The following MFAP1 variants were observed in gnomAD, a reference collection of about 807,000 sequenced individuals.
The protein encoded by MFAP1 is microfibrillar-associated protein 1.
In MFAP1, 18 loss-of-function variants were observed where a neutral mutation model predicts 62.2. The ratio of observed to expected loss-of-function variants is 0.29; its 90% CI spans 0.20 to 0.43. The LOEUF is 0.43. Among genes scored for constraint, MFAP1 ranks in the 20% least tolerant of loss-of-function variants. MFAP1 has a pLI of 1.00. For missense variants in MFAP1, 355 were observed against 559.7 expected (o/e 0.63, Z 3.69); for synonymous variants, 175 against 180.4 (o/e 0.97, Z 0.24).
At chr15:43,811,676 T>C (rs1478804033) in intron 6 of MFAP1, among the ~76,000 whole-genome samples, 4 of 151,726 alleles carry the variant, frequency 2.6e-5, no homozygotes, top group Non-Finnish European at 5.9e-5. Flanking sequence ...ACCCAGCTAA[T>C]TTTTGTATTT....
intron 1 of MFAP1, among the ~76,000 whole-genome samples, chr15:43,818,140 T>G (rs1567177534): frequency 6.6e-6 from 1 of 151,730 alleles, no homozygotes; most frequent in Non-Finnish European, 1.5e-5. Context: ...CTGCCTCAGC[T>G]TCCTGAGTAG....
At chr15:43,811,665 C>A (rs544754254) in intron 6 of MFAP1, among the ~76,000 whole-genome samples, 1 of 151,778 alleles carries the variant, frequency 6.6e-6, no homozygotes, top group East Asian at 2.0e-4. Context: ...CACACCACCA[C>A]ACCCAGCTAA....
chr15:43,820,141 C>T (rs181770317), intron 1 of MFAP1, among the ~76,000 whole-genome samples: 5 of 151,912 alleles, frequency 3.3e-5, no homozygotes, highest in East Asian at 3.9e-4. Flanking sequence ...AGCGAGACTC[C>T]GTCTCAAAAA....
At chr15:43,822,921 C>T (rs1198274594) in intron 1 of MFAP1, among the ~76,000 whole-genome samples, 5 of 151,910 alleles carry the variant, frequency 3.3e-5, no homozygotes, top group Non-Finnish European at 7.4e-5. Context: ...TCACTGCAAC[C>T]TCTGCCCCCT....
At chr15:43,817,747 C>T (rs968818211) in intron 1 of MFAP1, among the ~76,000 whole-genome samples, 2 of 152,224 alleles carry the variant, frequency 1.3e-5, no homozygotes, top group African/African-American at 4.8e-5. Flanking sequence ...AAAAGGCAGA[C>T]TGCATCCATC....
chr15:43,804,919 A>C lies in MFAP1; in HGVS notation c.*175T>G. 1 of 600,046 alleles carries C rather than the reference A, an allele frequency of 1.7e-6. No individual in the cohort carries two copies. Among genetic ancestry groups the C allele is most frequent in the South Asian group, 3.4e-5 (1 of 29,276 alleles). The allele number at this position is 600,046 out of a possible 1,614,324, so 37.2% of individuals were successfully genotyped here. A position where few individuals can be genotyped will look rare whatever the true frequency, so the allele number is the denominator to read the frequency against. On this transcript the variant is annotated 3_prime_UTR_variant, in exon 9 of 9. Coordinates refer to ENST00000267812, the MANE Select transcript of MFAP1 (RefSeq NM_005926.3). ...AGTGCTTTCCTGTGGGTTTCTCAGC[A>C]TGAGTCCAAACCTCACAAAGCACCT...
intron 1 of MFAP1, among the ~76,000 whole-genome samples, chr15:43,821,750 T>C (rs917286584): frequency 2.6e-5 from 4 of 152,214 alleles, no homozygotes; most frequent in African/African-American, 9.6e-5. Context: ...AGCTAACTTA[T>C]AATCTGTCTT....
At chr15:43,811,459 A>G (rs2087400553) in intron 6 of MFAP1, among the ~76,000 whole-genome samples, 1 of 149,366 alleles carries the variant, frequency 6.7e-6, no homozygotes, top group Non-Finnish European at 1.5e-5. Context: ...CAGGCTGAGT[A>G]TGGAGTTATC....
chr15:43,815,174 T>C (rs937268446), intron 2 of MFAP1, 100 bp from the exon 3 acceptor site: 48 of 1,484,678 alleles, frequency 3.2e-5, no homozygotes, highest in Non-Finnish European at 4.2e-5. Flanking sequence ...TTGCCTTCAT[T>C]AATACTGAAG....
intron 2 of MFAP1, 92 bp from the exon 3 acceptor site, chr15:43,815,166 G>T: frequency 6.6e-7 from 1 of 1,518,700 alleles, no homozygotes; most frequent in South Asian, 1.2e-5. Context: ...CATTATGTTT[G>T]CCTTCATTAA....
chr15:43,814,078 AC>A (rs1214694002), intron 4 of MFAP1, among the ~76,000 whole-genome samples: 1 of 150,610 alleles, frequency 6.6e-6, no homozygotes, highest in Non-Finnish European at 1.5e-5. Flanking sequence ...ACATGGAAAA[AC>A]CCCCTCTCTA....
At chr15:43,817,678 T>C (rs1271243310) in intron 1 of MFAP1, among the ~76,000 whole-genome samples, 1 of 152,132 alleles carries the variant, frequency 6.6e-6, no homozygotes, top group Non-Finnish European at 1.5e-5. Context: ...AGGCTTACCT[T>C]GAGTACAATG....
chr15:43,820,095 C>T (rs562116997), intron 1 of MFAP1, among the ~76,000 whole-genome samples: 4 of 152,012 alleles, frequency 2.6e-5, no homozygotes, highest in Non-Finnish European at 5.9e-5. Flanking sequence ...TTGCAGTGAG[C>T]GAGATAGCAC....
intron 6 of MFAP1, among the ~76,000 whole-genome samples, chr15:43,811,529 A>G (rs2141706825): frequency 6.9e-6 from 1 of 145,772 alleles, no homozygotes; most frequent in African/African-American, 2.5e-5. Context: ...TTTTTTCCAG[A>G]TAGAGTCTCA....
At chr15:43,818,059 G>A (rs1315628766) in intron 1 of MFAP1, among the ~76,000 whole-genome samples, 2 of 137,240 alleles carry the variant, frequency 1.5e-5, no homozygotes, top group East Asian at 2.1e-4. Context: ...TCGCTCTGTC[G>A]CCCAGGCTGG....
At position 43,809,828 on chromosome 15, in the gene MFAP1, A is replaced by G; in HGVS notation, c.974T>C (p.Val325Ala). 6.2e-7 allele frequency: 1 copy of G among 1,614,138 alleles called. No homozygotes were observed. The highest frequency in any genetic ancestry group is 8.5e-7 in the Non-Finnish European group (1 of 1,180,018). The change falls in exon 7 of 9, where the codon GTC becomes GCC. Residue 325 changes from valine to alanine, a missense_variant. Physicochemically the swap from Val to Ala is moderately conservative, Grantham distance 64 (BLOSUM62 0). Around this residue, in one of 6 missense-constraint regions of MFAP1, gnomAD observed 24 missense variants for 57.0 expected, o/e 0.42. Transcript: ENST00000267812. The stretch of plus-strand genomic sequence containing the variant: ...GCCCTTAACAGCTTTGTTGGTAATG[A>G]CTTTGCCGTTTGCCCGAAGTTCAGC... ...RRAELRANGK[V>A]ITNKAVKGKY...
intron 1 of MFAP1, among the ~76,000 whole-genome samples, chr15:43,823,969 G>A (rs1365281240): frequency 6.6e-6 from 1 of 151,960 alleles, no homozygotes; most frequent in Non-Finnish European, 1.5e-5. Flanking sequence ...ACAATGCCCT[G>A]CCAACAGGCA....
intron 1 of MFAP1, 95 bp from the exon 2 acceptor site, chr15:43,817,543 A>T: frequency 8.3e-7 from 1 of 1,206,628 alleles, no homozygotes; most frequent in Non-Finnish European, 1.2e-6. Flanking sequence ...TATTCATAGT[A>T]GACAAGAGTC....
At chr15:43,821,511 G>T (rs1384362366) in intron 1 of MFAP1, among the ~76,000 whole-genome samples, 2 of 152,080 alleles carry the variant, frequency 1.3e-5, no homozygotes, top group Non-Finnish European at 2.9e-5. Flanking sequence ...AGTACACAGA[G>T]ATCAATGTAA....
Sources: gnomAD v4.1 joint callset for allele counts (sites outside exome capture counted in the v4.1 genomes callset) on GRCh38, gnomAD v4.1.1 for gene constraint, gnomAD v4.1.1 regional missense constraint, MANE v1.5 for transcripts, NCBI Gene and HGNC (gene_info 2026-07-23, HGNC 2026-07-21) for gene names.